The following SPEG variants were observed in gnomAD, a reference collection of about 807,000 sequenced individuals.
The protein encoded by SPEG is striated muscle enriched protein kinase.
SPEG carries 114 observed loss-of-function variants against 300.4 expected under a neutral mutation model. The ratio of observed to expected loss-of-function variants is 0.38; its 90% CI spans 0.33 to 0.44. SPEG has a LOEUF of 0.44. Ranked by LOEUF, SPEG falls within the 20% of genes least tolerant of loss-of-function variation. The pLI is 1.00. For synonymous variants in SPEG, 1,964 were observed against 2,018.9 expected, an observed-to-expected ratio of 0.97 and a Z score of 0.73; for missense variants, 4,201 against 4,586.2, an observed-to-expected ratio of 0.92 and a Z score of 2.43.
chr2:219,482,357 A>G (rs915476937), intron 28 of SPEG: 3 of 180,500 alleles, frequency 1.7e-5, no homozygotes, highest in African/African-American at 4.7e-5. Context: ...AGCTGAGGGA[A>G]GCATCCGTCT....
rs913484064 is a variant in SPEG, at chr2:219,488,787, G to A, written c.8036G>A (p.Gly2679Glu). The A allele has an allele frequency of 1.2e-6, 2 of 1,604,570 alleles. No homozygotes were observed. Among genetic ancestry groups the A allele is most frequent in the Non-Finnish European group, 1.7e-6 (2 of 1,174,894 alleles). The part of the protein sequence containing the change: ...SCTVAVARVP[G>E]KLAPPEVPQT... ...TTCTTTCTCTTGCCAGGAGTCCCAG[G>A]AAAGCTAGCTCCTCCAGAGGTACCC... Residue 2679 changes from glycine to glutamate, a missense_variant, in exon 34 of 41, where the codon GGA becomes GAA. Gly to Glu is a moderately conservative substitution (Grantham distance 98, BLOSUM62 -2). Transcript: ENST00000312358.
In SPEG at chr2:219,480,228, G is replaced by T. The variant is rs1341544743; in HGVS notation, c.5342+88G>T. The T allele has an allele frequency of 2.8e-6, 4 of 1,407,292 alleles. No individual in the cohort carries two copies. The highest frequency in any genetic ancestry group is 3.9e-6 in the Non-Finnish European group (4 of 1,017,292). 87.2% of individuals were successfully genotyped at this position (1,407,292 alleles called of 1,614,324 possible). A position where few individuals can be genotyped will look rare whatever the true frequency, so the allele number is the denominator to read the frequency against. On this transcript the variant is annotated intron_variant, in intron 25 of 40. Coordinates refer to ENST00000312358, the MANE Select transcript of SPEG (RefSeq NM_005876.5). The surrounding 1 kb of genome is among the most constrained non-coding windows in gnomAD (Gnocchi z 5.3). ...GCGCTCACTGGCAGGGAGATTTACC[G>T]AGCCTGAATTCCTCCTGAAGGTGGG...
rs564998678 is a variant in SPEG at position 219,471,915 on chromosome 2, G to A, written c.3763G>A (p.Ala1255Thr). Residue 1255 changes from alanine (A) to threonine (T), a missense_variant, in exon 14 of 41, where the codon GCC (alanine) becomes ACC (threonine). Ala to Thr is a moderately conservative substitution (Grantham distance 58). Coordinates refer to ENST00000312358, the MANE Select transcript of SPEG (RefSeq NM_005876.5). ...LVFPAVGPQH[A>T]GVYKSVIANK... ...GTTCCCTGCCGTGGGGCCTCAGCAC[G>A]CCGGTGTCTACAAGAGCGTCATTGC... 1.8e-5 allele frequency: 29 copies of A among 1,613,882 alleles called. No individual in the cohort carries two copies. The highest frequency in any genetic ancestry group is 2.3e-5 in the Non-Finnish European group (27 of 1,180,002).
In SPEG at chr2:219,484,421, C is replaced by T. The variant is rs558211047; in HGVS notation, c.6958C>T (p.Leu2320Phe). 3 of 1,611,260 alleles carry T rather than the reference C, an allele frequency of 1.9e-6. No individual in the cohort carries two copies. The African/African-American group carries it at 4.0e-5, about 21-fold the overall frequency. ...GGTGCCCCCCAGGCCAGGCAGCAGT[C>T]TCAGTAGCAGCATCGAAAACTTGGA... is the stretch of plus-strand genomic sequence containing the variant. ...PTVPPRPGSS[L>F]SSSIENLESE... The change falls in exon 30 of 41, where the codon CTC becomes TTC. Residue 2320 changes from leucine to phenylalanine, a missense_variant. By Grantham distance (22) the Leu-to-Phe change is conservative (BLOSUM62 0). This residue lies in a region of SPEG where 1,578 missense variants were observed against 1,506.0 expected (regional missense o/e 1.05). Coordinates refer to ENST00000312358, the MANE Select transcript of SPEG (RefSeq NM_005876.5).
At position 219,448,241 on chromosome 2, in the gene SPEG, C is replaced by T. The variant is rs1469024841; in HGVS notation, c.1083C>T (p.Ser361=). 1.9e-6 allele frequency: 3 copies of T among 1,612,442 alleles called. No individual in the cohort carries two copies. Among genetic ancestry groups the T allele is most frequent in the Middle Eastern group, 1.7e-4 (1 of 6,050 alleles). Reference sequence around the variant, plus strand: ...AGCGAGGGAAGAAGTCCAAGTCGTCCGGGCCCTCCCTGGCGGGCACCGCGG... The same window carrying T: ...AGCGAGGGAAGAAGTCCAAGTCGTCTGGGCCCTCCCTGGCGGGCACCGCGG... The part of the protein sequence containing the change: ...EEKRGKKSKS[S]GPSLAGTAES... The change falls in exon 4 of 41, where the codon TCC becomes TCT. Residue 361 remains serine (S), a synonymous_variant. Transcript: ENST00000312358.
At position 219,439,739 on chromosome 2, in the gene SPEG, T is replaced by C. The variant is rs1448887170; in HGVS notation, c.388+4374T>C. 6.6e-6 allele frequency among the ~76,000 whole-genome samples: 1 copy of C among 152,146 alleles called. No homozygotes were observed. The highest frequency in any genetic ancestry group is 1.5e-5 in the Non-Finnish European group (1 of 68,022). On this transcript the variant is annotated intron_variant, in intron 1 of 40. Transcript: ENST00000312358. The surrounding 1 kb of genome is among the most constrained non-coding windows in gnomAD (Gnocchi z 4.5). ...GCCGACCCAGAGCAGGAACACAGAATCCTGCCGGCCCCTCCTGGGCCCAGC... is the reference window on the plus strand; with the variant it reads ...GCCGACCCAGAGCAGGAACACAGAACCCTGCCGGCCCCTCCTGGGCCCAGC...
intron 39 of SPEG, 100 bp downstream of exon 39, chr2:219,491,969 G>A (rs1300577622): frequency 7.4e-7 from 1 of 1,350,294 alleles, no homozygotes; most frequent in Non-Finnish European, 1.0e-6. Context: ...CACCTCCCCT[G>A]TACACACATC....
intron 38 of SPEG, among the ~76,000 whole-genome samples, chr2:219,491,305 T>C (rs1438196299): frequency 1.3e-5 from 2 of 152,228 alleles, no homozygotes; most frequent in African/African-American, 4.8e-5. Flanking sequence ...TGCTAAATGC[T>C]TGACGTTCAT....
At chr2:219,460,505 CCT>C (rs1690573285) in intron 6 of SPEG, 10 of 985,338 alleles carry the variant, frequency 1.0e-5, no homozygotes, top group African/African-American at 1.7e-5. Context: ...CCACCCCTCC[CCT>C]GTCTTGCTCG....
At position 219,490,654 on chromosome 2, in the gene SPEG, T is replaced by C. The variant is rs767172178; in HGVS notation, c.9161+6T>C. 3 of 1,608,698 alleles carry C rather than the reference T, an allele frequency of 1.9e-6. No homozygotes were observed. In the Admixed American group the frequency reaches 5.0e-5, roughly 27 times the overall value. ...CTCTGTGGGCTCAGTGACAGGTAGC[T>C]GGGAATTCTAGGGGAGTAGGGAGGA... is the stretch of plus-strand genomic sequence containing the variant. On this transcript the variant is annotated splice_donor_region_variant and intron_variant, in intron 37 of 40. Transcript: ENST00000312358.
intron 31 of SPEG, among the ~76,000 whole-genome samples, chr2:219,487,413 T>C (rs942229649): frequency 6.6e-6 from 1 of 152,238 alleles, no homozygotes; most frequent in Admixed American, 6.5e-5. Context: ...TCAGTTACTC[T>C]ATGGCAGACA....
At position 219,445,455 on chromosome 2, in the gene SPEG, C is replaced by T; in HGVS notation, c.815+294C>T. 2.1e-6 allele frequency: 1 copy of T among 479,356 alleles called. No homozygotes were observed. Among genetic ancestry groups the T allele is most frequent in the Non-Finnish European group, 3.7e-6 (1 of 267,936 alleles). 29.7% of individuals were successfully genotyped at this position (479,356 alleles called of 1,614,324 possible). On this transcript the variant is annotated intron_variant, in intron 3 of 40. Coordinates refer to ENST00000312358, the MANE Select transcript of SPEG (RefSeq NM_005876.5). The surrounding 1 kb of genome is among the most constrained non-coding windows in gnomAD (Gnocchi z 6.1). ...CAAGATCTCCAGTTTCTCAGGGGCC[C>T]TCTTTTGCCTCACCCATTTGGGCTC...
At chr2:219,482,695 C>A in intron 28 of SPEG, 89 bp from the exon 29 acceptor site, 1 of 1,181,292 alleles carries the variant, frequency 8.5e-7, no homozygotes, top group Non-Finnish European at 1.2e-6. Flanking sequence ...CTCCTGCCAC[C>A]CCGCCCCATG....
chr2:219,441,903 C>A (rs1688941562), intron 1 of SPEG: 2 of 217,166 alleles, frequency 9.2e-6, no homozygotes, highest in African/African-American at 2.4e-5. Context: ...GCCTTACCCC[C>A]ACCCGGCTCC....
intron 6 of SPEG, 135 bp from the exon 7 acceptor site, chr2:219,461,747 C>A: frequency 2.0e-6 from 2 of 1,009,832 alleles, no homozygotes; most frequent in Non-Finnish European, 3.0e-6. Flanking sequence ...GTCGCAGGAG[C>A]CTGGGGGTGA....
chr2:219,464,374 T>C lies in SPEG; in HGVS notation c.2706-59T>C. The C allele has an allele frequency of 6.6e-7, 1 of 1,525,024 alleles. No individual in the cohort carries two copies. The highest frequency in any genetic ancestry group is 8.9e-7 in the Non-Finnish European group (1 of 1,126,166). The allele number at this position is 1,525,024 out of a possible 1,614,324, so 94.5% of individuals were successfully genotyped here. A position where few individuals can be genotyped will look rare whatever the true frequency, so the allele number is the denominator to read the frequency against. Reference sequence around the variant, plus strand: ...GCCTGCACAGTGCTGCAGCCCCAGTTCCTGTGCACGCACATCAGGCCCCTG... The same window carrying C: ...GCCTGCACAGTGCTGCAGCCCCAGTCCCTGTGCACGCACATCAGGCCCCTG... On this transcript the variant is annotated intron_variant, in intron 8 of 40. Coordinates refer to ENST00000312358, the MANE Select transcript of SPEG (RefSeq NM_005876.5). The surrounding 1 kb of genome is among the most constrained non-coding windows in gnomAD (Gnocchi z 4.5).
chr2:219,451,291 C>G lies in SPEG; in HGVS notation c.2257+12C>G. 1 of 1,599,918 alleles carries G rather than the reference C, an allele frequency of 6.3e-7. No individual in the cohort carries two copies. Among genetic ancestry groups the G allele is most frequent in the Non-Finnish European group, 8.5e-7 (1 of 1,174,082 alleles). The stretch of plus-strand genomic sequence containing the variant: ...CCCCCCGCCCCAAGGTGAGCTCCAG[C>G]ACTGGGCCAAGGTGCGGTCGAGGTT... On this transcript the variant is annotated intron_variant, in intron 5 of 40. Coordinates refer to ENST00000312358, the MANE Select transcript of SPEG (RefSeq NM_005876.5). This position sits in a 1 kb window ranked among gnomAD's most constrained non-coding sequence, Gnocchi z 6.4.
intron 6 of SPEG, among the ~76,000 whole-genome samples, chr2:219,452,251 C>T (rs777115775): frequency 6.6e-6 from 1 of 152,144 alleles, no homozygotes; most frequent in Non-Finnish European, 1.5e-5. Context: ...GAGATGCTTT[C>T]GAGTGCCACA....
intron 18 of SPEG, chr2:219,474,173 T>G (rs958324507): frequency 9.0e-6 from 3 of 333,812 alleles, no homozygotes; most frequent in African/African-American, 6.2e-5. Context: ...AGGTCAGGAG[T>G]TCGTGACCAG....
Sources: gnomAD v4.1 joint callset for allele counts (sites outside exome capture counted in the v4.1 genomes callset) on GRCh38, gnomAD v4.1.1 for gene constraint, gnomAD v4.1.1 regional missense constraint, Gnocchi (gnomAD v3.1) non-coding constraint, MANE v1.5 for transcripts, NCBI Gene and HGNC (gene_info 2026-07-23, HGNC 2026-07-21) for gene names.